The following LAPTM5 variants were observed in gnomAD, a reference collection of about 807,000 sequenced individuals.
LAPTM5 encodes lysosomal-associated transmembrane protein 5.
Under a neutral mutation model 30.1 loss-of-function variants are expected in LAPTM5, and 11 were observed. The ratio of observed to expected loss-of-function variants is 0.37; its 90% confidence interval spans 0.23 to 0.60. LAPTM5 has a LOEUF of 0.60. Among genes scored for constraint, LAPTM5 ranks in the 20% least tolerant of loss-of-function variants. The pLI, the probability that LAPTM5 is intolerant of heterozygous loss-of-function variation, is 0.71. For missense variants in LAPTM5, 324 were observed against 332.5 expected (o/e 0.97, Z 0.20); for synonymous variants, 151 against 137.9 (o/e 1.10, Z -0.67).
chr1:30,740,999 G>A (rs1639962842), intron 3 of LAPTM5, among the ~76,000 whole-genome samples: 1 of 152,198 alleles, frequency 6.6e-6, no homozygotes, highest in South Asian at 2.1e-4. Context: ...TGGGGACCCA[G>A]GGACCGCGGG....
At chr1:30,756,983 G>A (rs1205103090) in intron 1 of LAPTM5, among the ~76,000 whole-genome samples, 1 of 152,332 alleles carries the variant, frequency 6.6e-6, no homozygotes, top group Admixed American at 6.5e-5. Context: ...CAGGAAAGGA[G>A]GAACCAGTGA....
Position 30,735,257 on chromosome 1 carries a change from C to T in LAPTM5, c.615G>A (p.Met205Ile). ...FITVLIFKVY[M>I]FKCVWRCYRL... is the part of the protein sequence containing the mutation. ...TGTAGCACCGCCACACGCACTTGAA[C>T]ATGTAGACCTGGAAAAAGGCCCAGG... Residue 205 changes from methionine to isoleucine, a missense_variant, in exon 7 of 8, where the codon ATG becomes ATA. Coordinates refer to ENST00000294507, the MANE Select transcript of LAPTM5 (RefSeq NM_006762.3). The T allele has an allele frequency of 1.2e-6, 2 of 1,613,988 alleles. No homozygotes were observed. The highest frequency in any genetic ancestry group is 1.7e-6 in the Non-Finnish European group (2 of 1,179,970).
chr1:30,743,884 A>G (rs1265113210), intron 1 of LAPTM5, among the ~76,000 whole-genome samples: 6 of 145,944 alleles, frequency 4.1e-5, no homozygotes, highest in Non-Finnish European at 8.9e-5. Flanking sequence ...GTGGAAAGGG[A>G]CTGAACGGAA....
At chr1:30,748,695 C>T (rs139456282) in intron 1 of LAPTM5, among the ~76,000 whole-genome samples, 1,789 of 152,336 alleles carry the variant, frequency 0.012, 43 homozygotes, top group African/African-American at 0.039. Context: ...CCACGCACTC[C>T]GCAGCAGCCC....
At chr1:30,745,019 A>C (rs991374526) in intron 1 of LAPTM5, among the ~76,000 whole-genome samples, 3 of 152,148 alleles carry the variant, frequency 2.0e-5, no homozygotes, top group Non-Finnish European at 4.4e-5. Context: ...GTCACCTTGG[A>C]CATTACCCGA....
rs1183249235 is a variant in LAPTM5, at chr1:30,739,023, C to T, written c.427G>A (p.Asp143Asn). ...KFPLMTLQLL[D>N]FCLSILTLCS... ...AGGGTCAGGATGCTCAGGCAGAAGT[C>T]CAGCAGCTGCAGCGTCATCAGGGGG... Residue 143 changes from aspartate (D) to asparagine (N), a missense_variant, in exon 5 of 8, where the codon GAC becomes AAC. Transcript: ENST00000294507. This position sits in a 1 kb window ranked among gnomAD's most constrained non-coding sequence, Gnocchi z 4.2. The T allele has an allele frequency of 6.2e-7, 1 of 1,605,784 alleles. No individual in the cohort carries two copies. Among genetic ancestry groups the T allele is most frequent in the South Asian group, 1.1e-5 (1 of 89,300 alleles).
intron 5 of LAPTM5, among the ~76,000 whole-genome samples, chr1:30,738,542 C>A (rs77122854): frequency 0.068 from 10,367 of 152,236 alleles, 994 homozygotes; most frequent in African/African-American, 0.2. Flanking sequence ...TAAGCCACTC[C>A]CAAGCTCCTG....
At chr1:30,740,410 C>A (rs978052148) in intron 3 of LAPTM5, among the ~76,000 whole-genome samples, 123 of 147,874 alleles carry the variant, frequency 8.3e-4, no homozygotes, top group African/African-American at 2.8e-3. Flanking sequence ...CCCCCCCACC[C>A]CCCACTCCCC....
In LAPTM5 at chr1:30,737,605, T is replaced by G. The variant is rs763687921; in HGVS notation, c.605A>C (p.Lys202Thr). ...SIAFITVLIF[K>T]VYMFKCVWRC... Reference sequence around the variant, plus strand: ...GCCGCAGGGCAGGGATCCACTCACCTTGAAGATAAGGACAGTGATGAAGGC... The same window carrying G: ...GCCGCAGGGCAGGGATCCACTCACCGTGAAGATAAGGACAGTGATGAAGGC... Residue 202 changes from lysine (K) to threonine (T), a missense_variant and splice_region_variant, in exon 6 of 8, where the codon AAG becomes ACG. Transcript: ENST00000294507. 6.2e-7 allele frequency: 1 copy of G among 1,610,582 alleles called. No individual in the cohort carries two copies. Among genetic ancestry groups the G allele is most frequent in the Non-Finnish European group, 8.5e-7 (1 of 1,177,318 alleles).
chr1:30,752,819 CT>C (rs35702385), intron 1 of LAPTM5, among the ~76,000 whole-genome samples: 114 of 148,840 alleles, frequency 7.7e-4, no homozygotes, highest in African/African-American at 1.4e-3. Flanking sequence ...AATGCTTTAC[CT>C]TTTTTTTTTT....
chr1:30,749,192 C>T (rs2124194402), intron 1 of LAPTM5, among the ~76,000 whole-genome samples: 1 of 152,360 alleles, frequency 6.6e-6, no homozygotes, highest in East Asian at 1.9e-4. Context: ...CTACCCGCAA[C>T]CACACAGACG....
intron 3 of LAPTM5, among the ~76,000 whole-genome samples, chr1:30,740,908 G>C (rs1639961604): frequency 6.6e-6 from 1 of 152,216 alleles, no homozygotes; most frequent in South Asian, 2.1e-4. Flanking sequence ...CAAGGGCCAG[G>C]CCCCTGTCTG....
intron 1 of LAPTM5, among the ~76,000 whole-genome samples, chr1:30,752,007 G>A (rs1640145369): frequency 6.6e-6 from 1 of 152,202 alleles, no homozygotes; most frequent in African/African-American, 2.4e-5. Context: ...AGAGAAAAGA[G>A]CCCCAGGAGT....
chr1:30,751,501 G>A (rs886826237), intron 1 of LAPTM5, among the ~76,000 whole-genome samples: 1 of 152,264 alleles, frequency 6.6e-6, no homozygotes, highest in African/African-American at 2.4e-5. Context: ...CACTTTGGGA[G>A]GCTGAGGCTG....
rs753702211 is a variant in LAPTM5 at position 30,741,591 on chromosome 1, T to G, written c.258+49A>C. 30 of 1,424,006 alleles carry G rather than the reference T, an allele frequency of 2.1e-5. No individual in the cohort carries two copies. The African/African-American group carries it at 4.0e-4, about 19-fold the overall frequency. 88.2% of individuals were successfully genotyped at this position (1,424,006 alleles called of 1,614,324 possible). A position where few individuals can be genotyped will look rare whatever the true frequency, so the allele number is the denominator to read the frequency against. On this transcript the variant is annotated intron_variant, in intron 3 of 7. Transcript: ENST00000294507. The stretch of plus-strand genomic sequence containing the variant: ...CCCAGCACTGCCCACCACCAGTGGG[T>G]GTGAATAACAGGAAGGGGCAGGGGG...
At chr1:30,756,287 C>G (rs1342483745) in intron 1 of LAPTM5, among the ~76,000 whole-genome samples, 1 of 152,196 alleles carries the variant, frequency 6.6e-6, no homozygotes, top group South Asian at 2.1e-4. Context: ...GAAGGACAAC[C>G]TCTGAGTTCC....
At chr1:30,742,226 A>C in intron 2 of LAPTM5, 1 of 570,960 alleles carries the variant, frequency 1.8e-6, no homozygotes. Context: ...GGGGATTTGC[A>C]AAGTGCCATT....
chr1:30,752,831 T>TA (rs397970960), intron 1 of LAPTM5, among the ~76,000 whole-genome samples: 7 of 151,746 alleles, frequency 4.6e-5, no homozygotes, highest in Non-Finnish European at 8.8e-5. Context: ...TTTTTTTTTT[T>TA]AAAGAGTCTC....
intron 1 of LAPTM5, among the ~76,000 whole-genome samples, chr1:30,752,580 C>G (rs1409928263): frequency 6.6e-6 from 1 of 152,234 alleles, no homozygotes; most frequent in African/African-American, 2.4e-5. Flanking sequence ...CAGACCTCCT[C>G]CAAGAAGCTA....
Sources: allele counts gnomAD v4.1 joint callset (sites outside exome capture counted in the v4.1 genomes callset), GRCh38; gene constraint gnomAD v4.1.1; non-coding constraint Gnocchi (gnomAD v3.1); transcripts MANE v1.5; gene names NCBI Gene and HGNC (gene_info 2026-07-23, HGNC 2026-07-21).